Variants in GJA3 observed in about 807,000 individuals in gnomAD.
GJA3 encodes gap junction alpha-3 protein.
For missense variants in GJA3, 571 were observed against 620.3 expected (o/e 0.92, Z 0.84); for synonymous variants, 297 against 292.6 (o/e 1.02, Z -0.15).
At position 20,142,991 on chromosome 13, in the gene GJA3, C is replaced by G. The variant is rs1376480742; in HGVS notation, c.298G>C (p.Val100Leu). The G allele has an allele frequency of 1.2e-6, 2 of 1,601,370 alleles. No individual in the cohort carries two copies. The highest frequency in any genetic ancestry group is 2.7e-5 in the African/African-American group (2 of 74,550). Residue 100 changes from valine to leucine, a missense_variant, in exon 2 of 2, where the codon GTG becomes CTG. Physicochemically the swap from Val to Leu is conservative, Grantham distance 32. Coordinates refer to ENST00000241125, the MANE Select transcript of GJA3 (RefSeq NM_021954.4). ...TCTTTCTTCTTCTCTTCCATGCGCA[C>G]GATGTGCAGCACGTGGCCCAGGTAG... ...LIYLGHVLHI[V>L]RMEEKKKERE...
In GJA3 at chr13:20,142,045, C is replaced by T; in HGVS notation, c.1244G>A (p.Gly415Asp). ...HQPPLPLGDPGRASKASRASS... is the reference protein window; with the variant it reads ...HQPPLPLGDPDRASKASRASS... ...GGCCCTGCTGGCCTTGCTGGCCCGACCTGGGTCTCCGAGGGGCAAGGGCGG... is the reference window on the plus strand; with the variant it reads ...GGCCCTGCTGGCCTTGCTGGCCCGATCTGGGTCTCCGAGGGGCAAGGGCGG... Residue 415 changes from glycine to aspartate, a missense_variant, in exon 2 of 2, where the codon GGT becomes GAT. Transcript: ENST00000241125. 6.5e-7 allele frequency: 1 copy of T among 1,550,298 alleles called. No individual in the cohort carries two copies. Among genetic ancestry groups the T allele is most frequent in the South Asian group, 1.2e-5 (1 of 84,040 alleles).
At chr13:20,158,912 C>CAAAAAAAAAAAAAAA (rs1159654355) in intron 1 of GJA3, among the ~76,000 whole-genome samples, 19 of 54,958 alleles carry the variant, frequency 3.5e-4, no homozygotes, top group East Asian at 1.5e-3. Flanking sequence ...GCAAAACTCT[C>CAAAAAAAAAAAAAAA]AAAAAAAAAA....
chr13:20,159,964 C>T (rs1033904112), intron 1 of GJA3, among the ~76,000 whole-genome samples: 1 of 152,152 alleles, frequency 6.6e-6, no homozygotes, highest in Non-Finnish European at 1.5e-5. Flanking sequence ...GTTTTTAATT[C>T]CTGGGTGATG....
Position 20,142,051 on chromosome 13 carries a change from T to C in GJA3, c.1238A>G (p.Asp413Gly). The C allele has an allele frequency of 6.5e-7, 1 of 1,550,158 alleles. No homozygotes were observed. Among genetic ancestry groups the C allele is most frequent in the Non-Finnish European group, 8.7e-7 (1 of 1,146,776 alleles). Residue 413 changes from aspartate to glycine, a missense_variant, in exon 2 of 2, where the codon GAC becomes GGC. Transcript: ENST00000241125. ...GCTGGCCTTGCTGGCCCGACCTGGG[T>C]CTCCGAGGGGCAAGGGCGGCTGGTG... ...QMHQPPLPLG[D>G]PGRASKASRA...
intron 1 of GJA3, among the ~76,000 whole-genome samples, chr13:20,149,134 G>A (rs1364355571): frequency 6.6e-6 from 1 of 152,050 alleles, no homozygotes; most frequent in East Asian, 1.9e-4. Context: ...ACAAATCAAT[G>A]GCTATTTCCT....
In GJA3 at chr13:20,141,113, A is replaced by C. The variant is rs1363880999; in HGVS notation, c.*868T>G. 6.6e-6 allele frequency: 1 copy of C among 152,254 alleles called. No individual in the cohort carries two copies. Among genetic ancestry groups the C allele is most frequent in the African/African-American group, 2.4e-5 (1 of 41,476 alleles). The allele number at this position is 152,254 out of a possible 1,614,324, so 9.4% of individuals were successfully genotyped here. On this transcript the variant is annotated 3_prime_UTR_variant, in exon 2 of 2. Coordinates refer to ENST00000241125, the MANE Select transcript of GJA3 (RefSeq NM_021954.4). ...TGTCTTGGTCAGCAATCATTCTAAC[A>C]GTATTTAAAGAAAGAAAAACACTAT...
rs371129734 is a variant in GJA3 at position 20,152,167 on chromosome 13, T to A, written c.-18+8723A>T. On this transcript the variant is annotated intron_variant, in intron 1 of 1. Coordinates refer to ENST00000241125, the MANE Select transcript of GJA3 (RefSeq NM_021954.4). ...GAGTTGTCACCAAGTGGCCCTGGATTTAGATCATTGAAGGGCAGGGGAGGA... is the reference window on the plus strand; with the variant it reads ...GAGTTGTCACCAAGTGGCCCTGGATATAGATCATTGAAGGGCAGGGGAGGA... Among the ~76,000 whole-genome samples the A allele has an allele frequency of 2.8e-4, 42 of 151,890 alleles. 1 individual carries two copies. The highest frequency in any genetic ancestry group is 1.0e-3 in the African/African-American group (42 of 41,394).
At chr13:20,158,262 C>T (rs781583796) in intron 1 of GJA3, among the ~76,000 whole-genome samples, 6 of 152,116 alleles carry the variant, frequency 3.9e-5, no homozygotes, top group Non-Finnish European at 7.4e-5. Context: ...TTACATCTGT[C>T]AAAATATTTT....
intron 1 of GJA3, among the ~76,000 whole-genome samples, chr13:20,147,496 T>C (rs1334967265): frequency 6.6e-6 from 1 of 152,246 alleles, no homozygotes; most frequent in East Asian, 1.9e-4. Context: ...TTACTGATGC[T>C]ATGATAAATG....
intron 1 of GJA3, among the ~76,000 whole-genome samples, chr13:20,143,989 C>T (rs534998631): frequency 2.0e-5 from 3 of 152,278 alleles, no homozygotes; most frequent in Admixed American, 6.5e-5. Context: ...GAAGTTGATA[C>T]AGTCTATGGG....
chr13:20,144,544 G>A (rs1434240382), intron 1 of GJA3, among the ~76,000 whole-genome samples: 1 of 152,204 alleles, frequency 6.6e-6, no homozygotes, highest in Non-Finnish European at 1.5e-5. Context: ...AGCCCAAGGA[G>A]GGGGTGGTAC....
In GJA3 at chr13:20,149,217, G is replaced by A. The variant is rs146331649; in HGVS notation, c.-17-5912C>T. Among the ~76,000 whole-genome samples, 287 of 152,184 alleles carry A rather than the reference G, an allele frequency of 1.9e-3. 1 individual carries two copies. Among genetic ancestry groups the A allele is most frequent in the African/African-American group, 6.4e-3 (266 of 41,524 alleles). On this transcript the variant is annotated intron_variant, in intron 1 of 1. Coordinates refer to ENST00000241125, the MANE Select transcript of GJA3 (RefSeq NM_021954.4). Reference sequence around the variant, plus strand: ...CACAAGAAGTTTAAGGAATGATCTCGGTGCAGTAGCTCACACCTGTAATCT... The same window carrying A: ...CACAAGAAGTTTAAGGAATGATCTCAGTGCAGTAGCTCACACCTGTAATCT...
chr13:20,156,272 C>G (rs1385810930), intron 1 of GJA3, among the ~76,000 whole-genome samples: 1 of 151,626 alleles, frequency 6.6e-6, no homozygotes, highest in Non-Finnish European at 1.5e-5. Flanking sequence ...CTTTTTTTAC[C>G]TTTTATAACT....
In GJA3 at chr13:20,142,228, G is replaced by A. The variant is rs1958812375; in HGVS notation, c.1061C>T (p.Pro354Leu). 6.5e-7 allele frequency: 1 copy of A among 1,527,954 alleles called. No individual in the cohort carries two copies. Among genetic ancestry groups the A allele is most frequent in the Non-Finnish European group, 8.8e-7 (1 of 1,142,074 alleles). The allele number at this position is 1,527,954 out of a possible 1,614,324, so 94.6% of individuals were successfully genotyped here. The change falls in exon 2 of 2, where the codon CCC becomes CTC. Residue 354 changes from proline to leucine, a missense_variant. Coordinates refer to ENST00000241125, the MANE Select transcript of GJA3 (RefSeq NM_021954.4). ...GAGTGGCGGGGAGCTGCTGCCGACG[G>A]GGCTGGGGGCTGCAGGCGTGGACGC... ...PAASTPAAPSPVGSSSPPLAH... is the reference protein window; with the variant it reads ...PAASTPAAPSLVGSSSPPLAH...
At chr13:20,157,427 T>C (rs1471658220) in intron 1 of GJA3, among the ~76,000 whole-genome samples, 6 of 152,202 alleles carry the variant, frequency 3.9e-5, no homozygotes, top group Non-Finnish European at 8.8e-5. Context: ...AGAAGAAATA[T>C]GGAATCTTAG....
At chr13:20,157,586 C>G (rs2141146293) in intron 1 of GJA3, among the ~76,000 whole-genome samples, 1 of 152,284 alleles carries the variant, frequency 6.6e-6, no homozygotes, top group African/African-American at 2.4e-5. Context: ...GCCCAACCTC[C>G]AACTCCTGGC....
At position 20,142,087 on chromosome 13, in the gene GJA3, G is replaced by A. The variant is rs767950248; in HGVS notation, c.1202C>T (p.Ala401Val). ...CAAGGGCGGCTGGTGCATCTGGGCCGCGGTGGTCACGGCCTGCTCCTCCTC... is the reference window on the plus strand; with the variant it reads ...CAAGGGCGGCTGGTGCATCTGGGCCACGGTGGTCACGGCCTGCTCCTCCTC... ...PEEEEQAVTT[A>V]AQMHQPPLPL... The change falls in exon 2 of 2, where the codon GCG (alanine) becomes GTG (valine). Residue 401 changes from alanine to valine, a missense_variant. Physicochemically the swap from Ala to Val is moderately conservative, Grantham distance 64 (BLOSUM62 0). Transcript: ENST00000241125. The A allele has an allele frequency of 5.8e-6, 9 of 1,549,110 alleles. No homozygotes were observed. The highest frequency in any genetic ancestry group is 3.9e-5 in the Admixed American group (2 of 50,938).
In GJA3 at chr13:20,142,573, C is replaced by A. The variant is rs774650137; in HGVS notation, c.716G>T (p.Gly239Val). Reference sequence around the variant, plus strand: ...CAGCGGGGCCTCGGAGGCGTCCGGGCCGAGGCGGCTGGTCACGCCCTGCTT... The same window carrying A: ...CAGCGGGGCCTCGGAGGCGTCCGGGACGAGGCGGCTGGTCACGCCCTGCTT... ...KLKQGVTSRLGPDASEAPLGT... is the reference protein window; with the variant it reads ...KLKQGVTSRLVPDASEAPLGT... Residue 239 changes from glycine to valine, a missense_variant, in exon 2 of 2, where the codon GGC (glycine) becomes GTC (valine). Gly to Val is a moderately radical substitution (Grantham distance 109, BLOSUM62 -3). Transcript: ENST00000241125. The A allele has an allele frequency of 6.3e-7, 1 of 1,598,708 alleles. No individual in the cohort carries two copies. The highest frequency in any genetic ancestry group is 8.5e-7 in the Non-Finnish European group (1 of 1,173,212).
rs6490521 is a variant in GJA3 at position 20,139,555 on chromosome 13, G to T, written c.*2426C>A. ...AAGAGCAAAAGGATGTGAAACATGC[G>T]TTCATTTCTTACATGAACTGAAATC... On this transcript the variant is annotated 3_prime_UTR_variant, in exon 2 of 2. Coordinates refer to ENST00000241125, the MANE Select transcript of GJA3 (RefSeq NM_021954.4). 0.98 allele frequency: 149,566 copies of T among 152,300 alleles called. 73,521 individuals are homozygous for T. The highest frequency in any genetic ancestry group is 1 in the East Asian group (5,180 of 5,180). The allele number at this position is 152,300 out of a possible 1,614,324, so 9.4% of individuals were successfully genotyped here.
Sources: gnomAD v4.1 joint callset for allele counts (sites outside exome capture counted in the v4.1 genomes callset) on GRCh38, gnomAD v4.1.1 for gene constraint, MANE v1.5 for transcripts, NCBI Gene and HGNC (gene_info 2026-07-23, HGNC 2026-07-21) for gene names.